The following NECTIN1 variants were observed in gnomAD, a reference collection of about 807,000 sequenced individuals.
NECTIN1 encodes the protein nectin-1.
Under a neutral mutation model 48.0 loss-of-function variants are expected in NECTIN1, and 23 were observed. That is an observed-to-expected ratio of 0.48 (90% confidence interval 0.34 to 0.68). The LOEUF (loss-of-function observed/expected upper bound fraction) is 0.68. Among genes scored for constraint, NECTIN1 ranks in the 30% least tolerant of loss-of-function variants. The pLI is 0.01. For missense variants in NECTIN1, 591 were observed against 709.9 expected, an observed-to-expected ratio of 0.83 and a Z score of 1.90; for synonymous variants, 270 against 288.9, an observed-to-expected ratio of 0.93 and a Z score of 0.66.
intron 1 of NECTIN1, among the ~76,000 whole-genome samples, chr11:119,686,251 A>C (rs1282180330): frequency 3.3e-5 from 5 of 151,668 alleles, no homozygotes; most frequent in Admixed American, 3.3e-4. Flanking sequence ...ACCTCCCTCC[A>C]CCTCACCTCC....
chr11:119,715,842 G>A (rs901015661), intron 1 of NECTIN1, among the ~76,000 whole-genome samples: 2 of 152,190 alleles, frequency 1.3e-5, no homozygotes, highest in Admixed American at 6.5e-5. Context: ...TGAAAGAGCT[G>A]ACACCCTCAG....
chr11:119,725,167 C>T (rs564099002), intron 1 of NECTIN1, among the ~76,000 whole-genome samples: 1 of 152,192 alleles, frequency 6.6e-6, no homozygotes, highest in Non-Finnish European at 1.5e-5. Context: ...CTCTGCCCCC[C>T]AAGCCTGGTC....
intron 1 of NECTIN1, among the ~76,000 whole-genome samples, chr11:119,700,792 ACT>A (rs375822200): frequency 3.9e-5 from 6 of 152,216 alleles, no homozygotes; most frequent in African/African-American, 1.4e-4. Flanking sequence ...AGAGTTGGTG[ACT>A]CTCTGAAACC....
rs1865006530 is a variant in NECTIN1, at chr11:119,678,685, C to G, written c.160G>C (p.Ala54Pro). 1 of 1,613,860 alleles carries G rather than the reference C, an allele frequency of 6.2e-7. No homozygotes were observed. The highest frequency in any genetic ancestry group is 8.5e-7 in the Non-Finnish European group (1 of 1,179,990). ...GTDVVLHCSF[A>P]NPLPSVKITQ... ...ATCTTCACGCTGGGAAGCGGGTTGG[C>G]AAAGCTGCAGTGCAGAACCACGTCT... Residue 54 changes from alanine (A) to proline (P), a missense_variant, in exon 2 of 6, where the codon GCC becomes CCC. Transcript: ENST00000264025. The surrounding 1 kb of genome is among the most constrained non-coding windows in gnomAD (Gnocchi z 4.4).
In NECTIN1 at chr11:119,665,150, G is replaced by A. The variant is rs1215797709; in HGVS notation, c.1151C>T (p.Thr384Ile). Residue 384 changes from threonine to isoleucine, a missense_variant, in exon 6 of 6, where the codon ACC becomes ATC. Thr to Ile is a moderately conservative substitution (Grantham distance 89). Transcript: ENST00000264025. This position sits in a 1 kb window ranked among gnomAD's most constrained non-coding sequence, Gnocchi z 5.1. ...IVVALRRRRH[T>I]FKGDYSTKKH... The stretch of plus-strand genomic sequence containing the variant: ...CTTGGTGCTGTAGTCACCCTTGAAG[G>A]TGTGCCGGCGCCGACGCAGGGCGAC... 1.2e-6 allele frequency: 2 copies of A among 1,613,570 alleles called. No individual in the cohort carries two copies. Among genetic ancestry groups the A allele is most frequent in the African/African-American group, 1.3e-5 (1 of 74,906 alleles).
chr11:119,664,995 A>T lies in NECTIN1; in HGVS notation c.1306T>A (p.Tyr436Asn). ...KKAGPLGGSS[Y>N]EEEEEEEEGG... Reference sequence around the variant, plus strand: ...TCCTCCTCCTCCTCCTCCTCCTCATAGCTGCTTCCACCCAGTGGGCCGGCC... The same window carrying T: ...TCCTCCTCCTCCTCCTCCTCCTCATTGCTGCTTCCACCCAGTGGGCCGGCC... Residue 436 changes from tyrosine (Y) to asparagine (N), a missense_variant, in exon 6 of 6, where the codon TAT (tyrosine) becomes AAT (asparagine). Physicochemically the swap from Tyr to Asn is moderately radical, Grantham distance 143. Transcript: ENST00000264025. 1 of 1,611,436 alleles carries T rather than the reference A, an allele frequency of 6.2e-7. No homozygotes were observed. Among genetic ancestry groups the T allele is most frequent in the Non-Finnish European group, 8.5e-7 (1 of 1,178,550 alleles).
At chr11:119,704,924 T>G (rs981480411) in intron 1 of NECTIN1, among the ~76,000 whole-genome samples, 2 of 152,256 alleles carry the variant, frequency 1.3e-5, no homozygotes, top group South Asian at 4.1e-4. Context: ...TTACATGTGG[T>G]GTTATTTTCA....
At chr11:119,639,930 A>G in exon 6 of NECTIN1, 16 of 1,614,194 alleles carry the variant, frequency 9.9e-6, no homozygotes, top group Non-Finnish European at 1.3e-5. Flanking sequence ...CAGTGAGCAC[A>G]GCAACTAGGA....
At chr11:119,676,943 G>C in intron 4 of NECTIN1, 159 bp downstream of exon 4, 1 of 691,360 alleles carries the variant, frequency 1.4e-6, no homozygotes, top group Non-Finnish European at 2.6e-6. Flanking sequence ...TGTGTGTGTT[G>C]GGGGTGGGGG....
Position 119,713,769 on chromosome 11 carries a change from ACCCCCCG to A in NECTIN1, c.79+14699_79+14705del, listed in dbSNP as rs1434315204. On this transcript the variant is annotated intron_variant, in intron 1 of 5. Transcript: ENST00000264025. ...CCCAGTCTTCACTTCTCACCTCCTCACCCCCCGCCCTCTGGAGGGCAGCTCCTATCTC... is the reference window on the plus strand; with the variant it reads ...CCCAGTCTTCACTTCTCACCTCCTCACCCTCTGGAGGGCAGCTCCTATCTC... 11 of 445,480 alleles carry A rather than the reference ACCCCCCG, an allele frequency of 2.5e-5. No homozygotes were observed. The Admixed American group carries it at 2.7e-4, about 11-fold the overall frequency. The allele number at this position is 445,480 out of a possible 1,614,324, so 27.6% of individuals were successfully genotyped here.
Position 119,672,699 on chromosome 11 carries a change from G to A in NECTIN1, c.1003+2460C>T, listed in dbSNP as rs1864879402. On this transcript the variant is annotated intron_variant, in intron 5 of 5. Transcript: ENST00000264025. This position sits in a 1 kb window ranked among gnomAD's most constrained non-coding sequence, Gnocchi z 4.3. ...TCAGAGACTCCCTGTGGCCAACAGAGAGAAGGCCTTGCTCCTTCCTCCCTG... is the reference window on the plus strand; with the variant it reads ...TCAGAGACTCCCTGTGGCCAACAGAAAGAAGGCCTTGCTCCTTCCTCCCTG... Among the ~76,000 whole-genome samples the A allele has an allele frequency of 6.6e-6, 1 of 152,190 alleles. No individual in the cohort carries two copies. Among genetic ancestry groups the A allele is most frequent in the South Asian group, 2.1e-4 (1 of 4,826 alleles).
At chr11:119,675,119 C>T (rs767995741) in intron 5 of NECTIN1, 40 bp downstream of exon 5, 15 of 1,613,080 alleles carry the variant, frequency 9.3e-6, no homozygotes, top group Admixed American at 8.3e-5. Flanking sequence ...GCGAAGGAAC[C>T]CGTGGGTGCG....
chr11:119,689,409 T>C (rs1177749115), intron 1 of NECTIN1, among the ~76,000 whole-genome samples: 2 of 152,194 alleles, frequency 1.3e-5, no homozygotes, highest in Non-Finnish European at 2.9e-5. Context: ...AGGGCTGGCA[T>C]CTGGCACTCC....
intron 1 of NECTIN1, among the ~76,000 whole-genome samples, chr11:119,686,299 C>T (rs1316890262): frequency 2.6e-5 from 4 of 152,192 alleles, no homozygotes; most frequent in Admixed American, 6.5e-5. Flanking sequence ...TATTCCCGGG[C>T]TGGGACTTTG....
rs2135551173 is a variant in NECTIN1 at position 119,677,218 on chromosome 11, A to G, written c.735T>C (p.Tyr245=). The change falls in exon 4 of 6, where the codon TAT becomes TAC. Residue 245 remains tyrosine (Y), a splice_region_variant and synonymous_variant. Transcript: ENST00000264025. The surrounding 1 kb of genome is among the most constrained non-coding windows in gnomAD (Gnocchi z 5.4). ...ACCCCTCAATGGTTACCTCAGGCTCATCTGTGGGGCAAGGGATGTTTGAAG... is the reference window on the plus strand; with the variant it reads ...ACCCCTCAATGGTTACCTCAGGCTCGTCTGTGGGGCAAGGGATGTTTGAAG... ...FKESLTLNVQ[Y]EPEVTIEGFD... 2 of 1,612,918 alleles carry G rather than the reference A, an allele frequency of 1.2e-6. No homozygotes were observed. The highest frequency in any genetic ancestry group is 2.2e-5 in the East Asian group (1 of 44,866).
At chr11:119,718,578 C>T (rs1380758412) in intron 1 of NECTIN1, among the ~76,000 whole-genome samples, 1 of 152,218 alleles carries the variant, frequency 6.6e-6, no homozygotes, top group Non-Finnish European at 1.5e-5. Flanking sequence ...AGCCCTGGAT[C>T]CACCCAGGAT....
chr11:119,639,059 A>C (rs1591432983), intron 6 of NECTIN1, among the ~76,000 whole-genome samples: 1 of 152,098 alleles, frequency 6.6e-6, no homozygotes, highest in Non-Finnish European at 1.5e-5. Flanking sequence ...TGGGATGGGA[A>C]CCATGTGAGT....
rs1036815527 is a variant in NECTIN1, at chr11:119,683,301, G to C, written c.80-4536C>G. Among the ~76,000 whole-genome samples, 3 of 152,142 alleles carry C rather than the reference G, an allele frequency of 2.0e-5. No homozygotes were observed. The highest frequency in any genetic ancestry group is 2.9e-5 in the Non-Finnish European group (2 of 68,026). On this transcript the variant is annotated intron_variant, in intron 1 of 5. Coordinates refer to ENST00000264025, the MANE Select transcript of NECTIN1 (RefSeq NM_002855.5). This position sits in a 1 kb window ranked among gnomAD's most constrained non-coding sequence, Gnocchi z 4.0. ...TGCAATCCATCATTTACAATGACTG[G>C]AGGGATTAGGTCACCTGCTCAGGGA...
chr11:119,700,756 C>G (rs1398528182), intron 1 of NECTIN1, among the ~76,000 whole-genome samples: 3 of 152,246 alleles, frequency 2.0e-5, no homozygotes, highest in African/African-American at 7.2e-5. Context: ...TCAAGGGCCT[C>G]TTGCGCCTGT....
Sources: gnomAD v4.1 joint callset for allele counts (sites outside exome capture counted in the v4.1 genomes callset) on GRCh38, gnomAD v4.1.1 for gene constraint, Gnocchi (gnomAD v3.1) non-coding constraint, MANE v1.5 for transcripts, NCBI Gene and HGNC (gene_info 2026-07-23, HGNC 2026-07-21) for gene names.